The following PTPRT variants were observed in gnomAD, a reference collection of about 807,000 sequenced individuals.
The protein encoded by PTPRT is protein tyrosine phosphatase receptor type T.
PTPRT carries 56 observed loss-of-function variants against 176.8 expected under a neutral mutation model. The observed-to-expected ratio is 0.32, with a 90% CI of 0.26 to 0.40. The LOEUF is 0.40. PTPRT is among the 10% of genes least tolerant of loss of function. The pLI is 1.00. For synonymous variants in PTPRT, 783 were observed against 739.0 expected (o/e 1.06, Z -0.96); for missense variants, 1,540 against 1,908.2 (o/e 0.81, Z 3.60).
chr20:42,361,100 G>A (rs2058425610), intron 9 of PTPRT, among the ~76,000 whole-genome samples: 1 of 152,142 alleles, frequency 6.6e-6, no homozygotes, highest in Admixed American at 6.5e-5. Flanking sequence ...CAGTTTCTAG[G>A]GAGAGGGGCT....
At chr20:43,043,417 T>C (rs1986713294) in intron 1 of PTPRT, among the ~76,000 whole-genome samples, 1 of 152,164 alleles carries the variant, frequency 6.6e-6, no homozygotes, top group African/African-American at 2.4e-5. Context: ...AAGCAATAGT[T>C]AGTATTAACA....
chr20:42,157,624 T>C (rs73114466), intron 17 of PTPRT, among the ~76,000 whole-genome samples: 24,117 of 151,114 alleles, frequency 0.16, 2,462 homozygotes, highest in Non-Finnish European at 0.22. Context: ...GGGATTTTCT[T>C]CCCCCCCCAA....
chr20:42,881,408 G>A (rs1481407959), intron 2 of PTPRT, among the ~76,000 whole-genome samples: 1 of 152,170 alleles, frequency 6.6e-6, no homozygotes, highest in Non-Finnish European at 1.5e-5. Flanking sequence ...GCCTTGAGGA[G>A]TCCTGTGAGC....
chr20:42,294,600 A>T (rs1483292221), intron 12 of PTPRT, among the ~76,000 whole-genome samples: 5 of 152,174 alleles, frequency 3.3e-5, no homozygotes, highest in Middle Eastern at 3.4e-3. Context: ...AAAATTTTTT[A>T]AAATTTGAAA....
chr20:42,298,777 T>A (rs978243925), intron 12 of PTPRT, among the ~76,000 whole-genome samples: 5 of 151,980 alleles, frequency 3.3e-5, no homozygotes, highest in Non-Finnish European at 7.4e-5. Flanking sequence ...AAAAATTAGC[T>A]GGGCATGGTG....
At chr20:42,867,153 A>T (rs2078759775) in intron 2 of PTPRT, among the ~76,000 whole-genome samples, 1 of 152,184 alleles carries the variant, frequency 6.6e-6, no homozygotes, top group East Asian at 1.9e-4. Flanking sequence ...TGGCCATAAA[A>T]TATCCATTGT....
chr20:42,038,771 A>G, the PTPRT span, among the ~76,000 whole-genome samples: 1 of 152,192 alleles, frequency 6.6e-6, no homozygotes, highest in East Asian at 1.9e-4. Context: ...AGTGGGAGCC[A>G]GGTGAGTAGG....
At chr20:42,668,858 ATTTTTTTTTTTTTT>A (rs755121515) in intron 7 of PTPRT, among the ~76,000 whole-genome samples, 1 of 81,276 alleles carries the variant, frequency 1.2e-5, no homozygotes, top group African/African-American at 4.7e-5. Flanking sequence ...CGCCCAGCTA[ATTTTTTTTTTTTTT>A]TTTTTTTTTT....
chr20:43,175,045 G>A (rs80037048), intron 1 of PTPRT, among the ~76,000 whole-genome samples: 6,496 of 152,298 alleles, frequency 0.043, 195 homozygotes, highest in Non-Finnish European at 0.067. Context: ...AAAAGACTGC[G>A]CAACATTATT....
intron 1 of PTPRT, among the ~76,000 whole-genome samples, chr20:42,919,179 T>A (rs145535088): frequency 6.6e-6 from 1 of 152,090 alleles, no homozygotes; most frequent in Admixed American, 6.5e-5. Flanking sequence ...CCCCCAGAGA[T>A]GGCATAAAGG....
intron 9 of PTPRT, among the ~76,000 whole-genome samples, chr20:42,407,971 A>T (rs2058977536): frequency 6.6e-6 from 1 of 152,182 alleles, no homozygotes; most frequent in Non-Finnish European, 1.5e-5. Context: ...AAATGCAAAC[A>T]ACTAATAAAT....
At chr20:42,242,926 G>C (rs1021183534) in intron 14 of PTPRT, among the ~76,000 whole-genome samples, 3 of 152,048 alleles carry the variant, frequency 2.0e-5, no homozygotes, top group Non-Finnish European at 4.4e-5. Context: ...ATGGAGGATA[G>C]GTTAGAGGGG....
intron 7 of PTPRT, among the ~76,000 whole-genome samples, chr20:42,519,656 T>C (rs1248481299): frequency 1.3e-5 from 2 of 152,164 alleles, no homozygotes; most frequent in Admixed American, 6.6e-5. Flanking sequence ...TGTGTTTGTG[T>C]GTATTCATGT....
intron 15 of PTPRT, among the ~76,000 whole-genome samples, chr20:42,205,900 G>A (rs1245618574): frequency 6.6e-6 from 1 of 152,096 alleles, no homozygotes; most frequent in Non-Finnish European, 1.5e-5. Flanking sequence ...ATGCTCTGCT[G>A]GCATGACTAG....
intron 27 of PTPRT, among the ~76,000 whole-genome samples, chr20:42,086,504 T>C (rs984581165): frequency 1.3e-5 from 2 of 151,876 alleles, no homozygotes; most frequent in Non-Finnish European, 2.9e-5. Context: ...CTGTCAGGAT[T>C]AGATAGAACA....
intron 11 of PTPRT, among the ~76,000 whole-genome samples, chr20:42,336,805 T>C (rs914086891): frequency 6.6e-6 from 1 of 152,200 alleles, no homozygotes; most frequent in African/African-American, 2.4e-5. Flanking sequence ...AACATGAGTT[T>C]ATTGTTTCAG....
At chr20:42,677,796 C>A (rs2146062730) in intron 7 of PTPRT, 70 bp downstream of exon 7, 3 of 1,517,264 alleles carry the variant, frequency 2.0e-6, no homozygotes, top group South Asian at 2.5e-5. Context: ...CACAGGAAGG[C>A]AAGAGGAAAG....
At chr20:42,419,339 C>T (rs776817986) in intron 9 of PTPRT, among the ~76,000 whole-genome samples, 1 of 152,154 alleles carries the variant, frequency 6.6e-6, no homozygotes, top group Non-Finnish European at 1.5e-5. Flanking sequence ...GGGTTCATTG[C>T]TTTAGCAAAG....
intron 6 of PTPRT, among the ~76,000 whole-genome samples, chr20:42,723,183 C>T (rs1197580392): frequency 6.6e-6 from 1 of 152,188 alleles, no homozygotes. Context: ...AATGCTCAAT[C>T]AGTGCTGTCT....
Sources: gnomAD v4.1 joint callset for allele counts (sites outside exome capture counted in the v4.1 genomes callset) on GRCh38, gnomAD v4.1.1 for gene constraint, MANE v1.5 for transcripts, NCBI Gene and HGNC (gene_info 2026-07-23, HGNC 2026-07-21) for gene names.